The following HDAC9 variants were observed in gnomAD, a reference collection of about 807,000 sequenced individuals.
HDAC9 encodes histone deacetylase 9.
A neutral mutation model predicts 139.4 loss-of-function variants in HDAC9; 41 were observed. That is an observed-to-expected ratio of 0.29 (90% CI 0.23 to 0.38). The LOEUF is 0.38. HDAC9 is among the 10% of genes least tolerant of loss of function. The pLI, the probability that HDAC9 is intolerant of heterozygous loss-of-function variation, is 1.00. For missense variants in HDAC9, 1,147 were observed against 1,297.0 expected, an observed-to-expected ratio of 0.88 and a Z score of 1.78; for synonymous variants, 517 against 476.2, an observed-to-expected ratio of 1.09 and a Z score of -1.12.
At chr7:18,777,804 G>A (rs1161245415) in intron 16 of HDAC9, among the ~76,000 whole-genome samples, 4 of 151,932 alleles carry the variant, frequency 2.6e-5, no homozygotes, top group Admixed American at 2.6e-4. Flanking sequence ...CCCTAGATTA[G>A]GCTGGGCAAT....
intron 2 of HDAC9, among the ~76,000 whole-genome samples, chr7:18,255,255 A>G (rs1795156651): frequency 6.6e-6 from 1 of 152,218 alleles, no homozygotes; most frequent in South Asian, 2.1e-4. Context: ...AATAAAATGT[A>G]GTCAAGCCAG....
chr7:18,754,251 A>G (rs1372137887), intron 14 of HDAC9, among the ~76,000 whole-genome samples: 1 of 152,038 alleles, frequency 6.6e-6, no homozygotes, highest in Non-Finnish European at 1.5e-5. Context: ...TCACCATGAG[A>G]AATGGATCTG....
At chr7:18,326,953 T>C (rs1488952365) in intron 1 of HDAC9, among the ~76,000 whole-genome samples, 2 of 151,944 alleles carry the variant, frequency 1.3e-5, no homozygotes, top group African/African-American at 4.8e-5. Context: ...CATTTCATCA[T>C]TATGATTTTG....
intron 2 of HDAC9, among the ~76,000 whole-genome samples, chr7:18,525,456 A>G (rs1772668850): frequency 6.6e-6 from 1 of 152,178 alleles, no homozygotes; most frequent in African/African-American, 2.4e-5. Context: ...TCTTAAAATA[A>G]ATATAATTCT....
At chr7:18,990,779 G>A (rs899342513) in intron 25 of HDAC9, among the ~76,000 whole-genome samples, 2 of 152,256 alleles carry the variant, frequency 1.3e-5, no homozygotes, top group Admixed American at 6.5e-5. Flanking sequence ...CGTAGGAAAA[G>A]CGCAGTATTT....
intron 1 of HDAC9, among the ~76,000 whole-genome samples, chr7:18,479,255 A>G (rs906190364): frequency 1.3e-5 from 2 of 152,040 alleles, no homozygotes; most frequent in African/African-American, 4.8e-5. Flanking sequence ...TTTTGTATAT[A>G]TGTTTAATCT....
chr7:18,127,781 C>T (rs561408888), intron 1 of HDAC9, among the ~76,000 whole-genome samples: 2 of 152,108 alleles, frequency 1.3e-5, no homozygotes, highest in African/African-American at 4.8e-5. Flanking sequence ...GTATTTTTCC[C>T]ACAGAACCTG....
intron 1 of HDAC9, among the ~76,000 whole-genome samples, chr7:18,343,022 A>G (rs1782131679): frequency 2.0e-5 from 3 of 151,730 alleles, no homozygotes; most frequent in Non-Finnish European, 2.9e-5. Context: ...GAAATTCCCT[A>G]TCCGGAGAAA....
intron 2 of HDAC9, among the ~76,000 whole-genome samples, chr7:18,264,264 G>T (rs1322369608): frequency 6.6e-6 from 1 of 152,050 alleles, no homozygotes; most frequent in African/African-American, 2.4e-5. Flanking sequence ...AGCCATATTT[G>T]CTAGGCCATA....
intron 6 of HDAC9, among the ~76,000 whole-genome samples, chr7:18,609,428 A>G (rs1306103017): frequency 6.6e-6 from 1 of 152,162 alleles, no homozygotes; most frequent in Non-Finnish European, 1.5e-5. Context: ...ACAAGTATAC[A>G]CCAAGGCAGG....
intron 2 of HDAC9, among the ~76,000 whole-genome samples, chr7:18,270,320 A>G (rs1478063560): frequency 2.6e-5 from 4 of 151,602 alleles, no homozygotes; most frequent in African/African-American, 9.7e-5. Context: ...TGTGACTTAG[A>G]AAAGAAAGGG....
chr7:18,430,022 T>C (rs1790493963), intron 1 of HDAC9, among the ~76,000 whole-genome samples: 1 of 152,230 alleles, frequency 6.6e-6, no homozygotes, highest in African/African-American at 2.4e-5. Context: ...ATTTGAAATT[T>C]ATAATAGTTC....
At chr7:18,854,101 C>T (rs1234324997) in intron 21 of HDAC9, among the ~76,000 whole-genome samples, 1 of 152,046 alleles carries the variant, frequency 6.6e-6, no homozygotes, top group Non-Finnish European at 1.5e-5. Context: ...GAAAGTAATA[C>T]AATAAAACTT....
chr7:18,801,934 T>C (rs1431265362), intron 17 of HDAC9, among the ~76,000 whole-genome samples: 1 of 152,020 alleles, frequency 6.6e-6, no homozygotes, highest in Non-Finnish European at 1.5e-5. Context: ...TTCATTATCA[T>C]ACCGCTTATT....
intron 1 of HDAC9, among the ~76,000 whole-genome samples, chr7:18,469,685 A>G (rs1003489166): frequency 3.9e-5 from 6 of 152,208 alleles, no homozygotes; most frequent in Non-Finnish European, 8.8e-5. Flanking sequence ...TCAACATTTT[A>G]TGAGTCCCTA....
intron 2 of HDAC9, among the ~76,000 whole-genome samples, chr7:18,514,775 A>G (rs905703514): frequency 2.0e-5 from 3 of 152,076 alleles, no homozygotes; most frequent in African/African-American, 7.2e-5. Flanking sequence ...CCCTGTCTCT[A>G]CAAAAATAAA....
chr7:18,247,138 G>A (rs866128957), intron 2 of HDAC9, among the ~76,000 whole-genome samples: 8 of 151,954 alleles, frequency 5.3e-5, no homozygotes, highest in African/African-American at 1.4e-4. Context: ...AAGGTGTCAA[G>A]CAGTTAGTGG....
At chr7:18,603,211 T>C (rs985542725) in intron 6 of HDAC9, among the ~76,000 whole-genome samples, 11 of 152,100 alleles carry the variant, frequency 7.2e-5, no homozygotes, top group Admixed American at 5.2e-4. Context: ...TGGGTTTCTT[T>C]TAGGTAATAT....
chr7:18,906,766 T>C (rs931165302), intron 22 of HDAC9, among the ~76,000 whole-genome samples: 2 of 152,202 alleles, frequency 1.3e-5, no homozygotes, highest in Non-Finnish European at 2.9e-5. Flanking sequence ...TTCCTTGTCT[T>C]AACAGCTAGA....
Sources: allele counts gnomAD v4.1 joint callset (sites outside exome capture counted in the v4.1 genomes callset), GRCh38; gene constraint gnomAD v4.1.1; transcripts MANE v1.5; gene names NCBI Gene and HGNC (gene_info 2026-07-23, HGNC 2026-07-21).